Variants in USP45 observed in about 807,000 individuals in gnomAD.
USP45 encodes the protein ubiquitin carboxyl-terminal hydrolase 45.
A neutral mutation model predicts 95.8 loss-of-function variants in USP45; 89 were observed. The ratio of observed to expected loss-of-function variants is 0.93; its 90% CI spans 0.78 to 1.11. The LOEUF is 1.11. Ranked by LOEUF, USP45 falls within the 50% of genes least tolerant of loss-of-function variation. The pLI, the probability that USP45 is intolerant of heterozygous loss-of-function variation, is 0.00. For missense variants in USP45, 898 were observed against 942.5 expected (o/e 0.95, Z 0.62); for synonymous variants, 281 against 316.2 (o/e 0.89, Z 1.18).
At chr6:99,469,712 A>G (rs901478169) in intron 9 of USP45, among the ~76,000 whole-genome samples, 3 of 151,498 alleles carry the variant, frequency 2.0e-5, no homozygotes, top group Non-Finnish European at 1.5e-5. Flanking sequence ...TGAGCTTCTG[A>G]GCTCAAGCAA....
At position 99,465,119 on chromosome 6, in the gene USP45, A is replaced by C. The variant is rs1273735651; in HGVS notation, c.1125T>G (p.Asp375Glu). ...TAGGAAGTGAAATATCAATGAATGG[A>C]TCTTTCACCGTGGAGATCTTAAAAG... ...EECANISTVKDPFIDISLPII... is the reference protein window; with the variant it reads ...EECANISTVKEPFIDISLPII... Residue 375 changes from aspartate to glutamate, a missense_variant, in exon 12 of 18, where the codon GAT becomes GAG. Physicochemically the swap from Asp to Glu is conservative, Grantham distance 45. Transcript: ENST00000500704. 1.3e-5 allele frequency: 21 copies of C among 1,596,750 alleles called. No homozygotes were observed. Among genetic ancestry groups the C allele is most frequent in the Non-Finnish European group, 1.5e-5 (18 of 1,169,736 alleles).
rs202223222 is a variant in USP45 at position 99,508,621 on chromosome 6, A to G, written c.262T>C (p.Cys88Arg). 1 of 1,611,346 alleles carries G rather than the reference A, an allele frequency of 6.2e-7. No individual in the cohort carries two copies. Among genetic ancestry groups the G allele is most frequent in the African/African-American group, 1.3e-5 (1 of 74,950 alleles). The change falls in exon 3 of 18, where the codon TGT becomes CGT. Residue 88 changes from cysteine to arginine, a missense_variant. Physicochemically the swap from Cys to Arg is radical, Grantham distance 180. Transcript: ENST00000500704. The part of the protein sequence containing the change: ...LTSDIWLCLK[C>R]GFQGCGKNSE... ...AATACTTTTCTTACCTGGAAGCCAC[A>G]CTTGAGGCACAACCAAATATCAGAA...
Position 99,452,173 on chromosome 6 carries a change from G to C in USP45, c.1309-5710C>G, listed in dbSNP as rs1358062632. ...AGCAAAGGCAACAAAAGCCAAAATT[G>C]ACAAATGGGATCTAATTAAACTAAG... On this transcript the variant is annotated intron_variant, in intron 13 of 17. Transcript: ENST00000500704. Among the ~76,000 whole-genome samples, 4 of 152,134 alleles carry C rather than the reference G, an allele frequency of 2.6e-5. No individual in the cohort carries two copies. In the South Asian group the frequency reaches 8.3e-4, roughly 32 times the overall value.
intron 13 of USP45, among the ~76,000 whole-genome samples, chr6:99,453,355 T>C (rs925879093): frequency 6.6e-6 from 1 of 151,940 alleles, no homozygotes; most frequent in African/African-American, 2.4e-5. Context: ...CAGTAGCGTT[T>C]CTATACACTA....
At chr6:99,491,896 A>G (rs550239657) in intron 5 of USP45, among the ~76,000 whole-genome samples, 1 of 152,254 alleles carries the variant, frequency 6.6e-6, no homozygotes, top group Non-Finnish European at 1.5e-5. Context: ...TATATGTTTT[A>G]TATACTTATG....
rs1794396746 is a variant in USP45, at chr6:99,488,131, G to A, written c.714+69C>T. 3 of 1,051,364 alleles carry A rather than the reference G, an allele frequency of 2.9e-6. No homozygotes were observed. The East Asian group carries it at 7.3e-5, about 26-fold the overall frequency. The allele number at this position is 1,051,364 out of a possible 1,614,324, so 65.1% of individuals were successfully genotyped here. A position where few individuals can be genotyped will look rare whatever the true frequency, so the allele number is the denominator to read the frequency against. ...TCTTAGTTGACTGATCTGCGAATTA[G>A]GAAAAGAGATTTTGGTAACATCAGT... On this transcript the variant is annotated intron_variant, in intron 7 of 17. Coordinates refer to ENST00000500704, the MANE Select transcript of USP45 (RefSeq NM_001346022.3).
intron 13 of USP45, among the ~76,000 whole-genome samples, chr6:99,451,493 A>C (rs952867111): frequency 5.0e-4 from 76 of 152,348 alleles, no homozygotes; most frequent in Admixed American, 3.8e-3. Context: ...GGACCTCTTC[A>C]AGGAGAACTA....
At chr6:99,462,248 C>T (rs1380183166) in intron 13 of USP45, 2 of 983,846 alleles carry the variant, frequency 2.0e-6, no homozygotes, top group Non-Finnish European at 2.4e-6. Flanking sequence ...TCAGCACAAG[C>T]ACAAGTTATA....
At chr6:99,517,463 C>A (rs1490858131), upstream of USP45, among the ~76,000 whole-genome samples, 1 of 150,464 alleles carries the variant, frequency 6.6e-6, no homozygotes. Context: ...GAGACGGATT[C>A]TCTCTCTGTT....
intron 3 of USP45, among the ~76,000 whole-genome samples, chr6:99,508,001 CTTTT>C (rs964691406): frequency 6.6e-6 from 1 of 151,134 alleles, no homozygotes; most frequent in African/African-American, 2.4e-5. Flanking sequence ...TTCCAGAAGG[CTTTT>C]TTTTTGTTTG....
chr6:99,491,587 C>T (rs989861994), intron 5 of USP45, among the ~76,000 whole-genome samples: 4 of 152,154 alleles, frequency 2.6e-5, no homozygotes, highest in African/African-American at 4.8e-5. Flanking sequence ...AAGTGATATG[C>T]CCAAGGTCAC....
At chr6:99,484,103 T>C (rs1437844737) in intron 7 of USP45, among the ~76,000 whole-genome samples, 6 of 139,756 alleles carry the variant, frequency 4.3e-5, no homozygotes, top group African/African-American at 1.6e-4. Context: ...CCCAAGTAGC[T>C]GGGATCGCAG....
In USP45 at chr6:99,497,410, T is replaced by C. The variant is rs541276363; in HGVS notation, c.478+6355A>G. On this transcript the variant is annotated intron_variant, in intron 5 of 17. Coordinates refer to ENST00000500704, the MANE Select transcript of USP45 (RefSeq NM_001346022.3). ...CCAGTCATGTAGTATTAATGTAATCTGCCCATTTCTACAGCTGAAAAGAAG... is the reference window on the plus strand; with the variant it reads ...CCAGTCATGTAGTATTAATGTAATCCGCCCATTTCTACAGCTGAAAAGAAG... Among the ~76,000 whole-genome samples, 22 of 152,302 alleles carry C rather than the reference T, an allele frequency of 1.4e-4. 1 individual carries two copies. In the South Asian group the frequency reaches 4.4e-3, roughly 30 times the overall value.
rs570482507 is a variant in USP45, at chr6:99,477,198, A to G, written c.846-968T>C. On this transcript the variant is annotated intron_variant, in intron 8 of 17. Transcript: ENST00000500704. ...CACTGTTCAGGAATTTATAATTAAT[A>G]TAAGTTCTACTTTATGCTTGAGAAA... is the stretch of plus-strand genomic sequence containing the variant. Among the ~76,000 whole-genome samples, 62 of 152,268 alleles carry G rather than the reference A, an allele frequency of 4.1e-4. 1 individual carries two copies. The highest frequency in any genetic ancestry group is 5.6e-4 in the Non-Finnish European group (38 of 68,040).
At chr6:99,509,628 T>C (rs1023885450) in intron 2 of USP45, among the ~76,000 whole-genome samples, 26 of 138,726 alleles carry the variant, frequency 1.9e-4, no homozygotes, top group African/African-American at 7.1e-4. Context: ...ATGGTTTTAA[T>C]AGGCCATGAG....
At chr6:99,494,137 A>G (rs2128750199) in intron 5 of USP45, among the ~76,000 whole-genome samples, 1 of 152,194 alleles carries the variant, frequency 6.6e-6, no homozygotes, top group African/African-American at 2.4e-5. Context: ...CAAAGTTTCC[A>G]GGCTAGGTTA....
chr6:99,506,386 G>A lies in USP45; in HGVS notation c.377+1042C>T, dbSNP rs117815795. Among the ~76,000 whole-genome samples, 487 of 152,256 alleles carry A rather than the reference G, an allele frequency of 3.2e-3. 3 individuals carry two copies. The highest frequency in any genetic ancestry group is 5.3e-3 in the Non-Finnish European group (363 of 68,004). On this transcript the variant is annotated intron_variant, in intron 4 of 17. Transcript: ENST00000500704. ...CTATCACCCAGGCTGGAGTGCAGTG[G>A]CAACCTCCATCTCCCAGGTTCAAGC...
intron 11 of USP45, among the ~76,000 whole-genome samples, chr6:99,466,265 C>T (rs1178256713): frequency 6.6e-6 from 1 of 152,116 alleles, no homozygotes; most frequent in Non-Finnish European, 1.5e-5. Context: ...AGTGATCCGC[C>T]GGCCTTGGCC....
rs371727426 is a variant in USP45 at position 99,445,914 on chromosome 6, T to C, written c.1858A>G (p.Ile620Val). Residue 620 changes from isoleucine (I) to valine (V), a missense_variant, in exon 14 of 18, where the codon ATT becomes GTT. Transcript: ENST00000500704. ...SYITTSKECS[I>V]QSCLYQFTSM... The stretch of plus-strand genomic sequence containing the variant: ...GTAAACTGGTAGAGACAGGACTGAA[T>C]TGAACATTCTTTAGAAGTAGTTATA... 13 of 1,613,986 alleles carry C rather than the reference T, an allele frequency of 8.1e-6. No homozygotes were observed. In the Admixed American group the frequency reaches 8.3e-5, roughly 10 times the overall value.
Sources: gnomAD v4.1 joint callset for allele counts (sites outside exome capture counted in the v4.1 genomes callset) on GRCh38, gnomAD v4.1.1 for gene constraint, MANE v1.5 for transcripts, NCBI Gene and HGNC (gene_info 2026-07-23, HGNC 2026-07-21) for gene names.